The following ATP2A3 variants were observed in gnomAD, a reference collection of about 807,000 sequenced individuals.
The protein encoded by ATP2A3 is sarcoplasmic/endoplasmic reticulum calcium ATPase 3.
Under a neutral mutation model 106.8 loss-of-function variants are expected in ATP2A3, and 61 were observed. The observed-to-expected ratio is 0.57, with a 90% confidence interval of 0.46 to 0.71. ATP2A3 has a LOEUF of 0.71. Ranked by LOEUF, ATP2A3 falls within the 30% of genes least tolerant of loss-of-function variation. The pLI, the probability that ATP2A3 is intolerant of heterozygous loss-of-function variation, is 0.00. For missense variants in ATP2A3, 1,201 were observed against 1,423.5 expected (o/e 0.84, Z 2.52); for synonymous variants, 611 against 609.3 (o/e 1.00, Z -0.04).
Position 3,951,562 on chromosome 17 carries a change from C to CG in ATP2A3, c.324+18_324+19insC. 6.7e-7 allele frequency: 1 copy of CG among 1,486,974 alleles called. No individual in the cohort carries two copies. The highest frequency in any genetic ancestry group is 9.2e-7 in the Non-Finnish European group (1 of 1,088,796). 92.1% of individuals were successfully genotyped at this position (1,486,974 alleles called of 1,614,324 possible). On this transcript the variant is annotated intron_variant, in intron 4 of 20. Transcript: ENST00000397041. ...TGGGAGACCGCCCCCCGCCCGGTCC[C>CG]ACCCCCAGTGCCTCCCACCTGCCAC...
rs1175208864 is a variant in ATP2A3, at chr17:3,936,236, GA to G, written c.2524+30del. 1.2e-6 allele frequency: 2 copies of G among 1,612,602 alleles called. No individual in the cohort carries two copies. Among genetic ancestry groups the G allele is most frequent in the Non-Finnish European group, 1.7e-6 (2 of 1,179,188 alleles). ...GATACAAGGCTCTTAGGAAGCTTAG[GA>G]ATTCCACGGAGGGCTCAGGCCCCAC... On this transcript the variant is annotated intron_variant, in intron 16 of 20. Transcript: ENST00000397041. This position sits in a 1 kb window ranked among gnomAD's most constrained non-coding sequence, Gnocchi z 5.4.
Position 3,944,814 on chromosome 17 carries a change from GCCGGGGCGGTCACCA to G in ATP2A3, c.1185-23_1185-9del. Reference sequence around the variant, plus strand: ...GGCTGATCCCCCTGCCGCCTGCGGAGCCGGGGCGGTCACCAGGAGGACCTCGGCTCCGCCCCCGAG... The same window carrying G: ...GGCTGATCCCCCTGCCGCCTGCGGAGGGAGGACCTCGGCTCCGCCCCCGAG... On this transcript the variant is annotated splice_polypyrimidine_tract_variant and intron_variant, in intron 9 of 20. Transcript: ENST00000397041. 6.2e-7 allele frequency: 1 copy of G among 1,605,102 alleles called. No homozygotes were observed. Among genetic ancestry groups the G allele is most frequent in the East Asian group, 2.2e-5 (1 of 44,636 alleles).
Position 3,926,130 on chromosome 17 carries a change from G to A in ATP2A3, c.2981-689C>T, listed in dbSNP as rs12952223. Among the ~76,000 whole-genome samples, 22,837 of 152,120 alleles carry A rather than the reference G, an allele frequency of 0.15. 1,940 individuals carry two copies. The highest frequency in any genetic ancestry group is 0.23 in the African/African-American group (9,422 of 41,470). On this transcript the variant is annotated intron_variant, in intron 20 of 20. Coordinates refer to ENST00000397041, the MANE Select transcript of ATP2A3 (RefSeq NM_005173.4). The surrounding 1 kb of genome is among the most constrained non-coding windows in gnomAD (Gnocchi z 4.6). ...GAGAGGACCGCCCCCAGCCCCCAGG[G>A]CTGACCCAGGATCCAGAATTCTCCC...
Position 3,940,031 on chromosome 17 carries a change from C to CTT in ATP2A3, c.2100+938_2100+939dup, listed in dbSNP as rs1174008086. Among the ~76,000 whole-genome samples, 30 of 96,488 alleles carry CTT rather than the reference C, an allele frequency of 3.1e-4. 1 individual carries two copies. The highest frequency in any genetic ancestry group is 5.2e-4 in the African/African-American group (11 of 21,132). The allele number at this position is 96,488 out of a possible 152,430, so 63.3% of individuals were successfully genotyped here. ...ATGGGTTGATGGTAATGTGTCATAT[C>CTT]TTTTTTTTTTTGTTTTTTGTTTTTT... On this transcript the variant is annotated intron_variant, in intron 14 of 20. Transcript: ENST00000397041.
rs867945354 is a variant in ATP2A3, at chr17:3,933,564, T to G, written c.2610+1628A>C. ...CATCCTGGCCAACATGGTGAAACCC[T>G]GTCTCTACTAAAATACAAAAAATTA... On this transcript the variant is annotated intron_variant, in intron 17 of 20. Coordinates refer to ENST00000397041, the MANE Select transcript of ATP2A3 (RefSeq NM_005173.4). Among the ~76,000 whole-genome samples the G allele has an allele frequency of 4.9e-4, 74 of 151,182 alleles. 1 individual carries two copies. The highest frequency in any genetic ancestry group is 3.4e-3 in the Middle Eastern group (1 of 294).
chr17:3,938,826 C>T (rs1293634922), intron 14 of ATP2A3, among the ~76,000 whole-genome samples: 4 of 152,102 alleles, frequency 2.6e-5, no homozygotes, highest in African/African-American at 4.8e-5. Flanking sequence ...CGTGAGCCAC[C>T]GTGCCCGGCC....
In ATP2A3 at chr17:3,936,723, C is replaced by T. The variant is rs1597595435; in HGVS notation, c.2322-254G>A. ...CTTTAGGCCTAGCAGAGGCCAAGTA[C>T]ACACACACACACACACACACACACA... On this transcript the variant is annotated intron_variant, in intron 15 of 20. Transcript: ENST00000397041. The surrounding 1 kb of genome is among the most constrained non-coding windows in gnomAD (Gnocchi z 5.4). 1.8e-5 allele frequency: 1 copy of T among 56,600 alleles called. No individual in the cohort carries two copies. Among genetic ancestry groups the T allele is most frequent in the Non-Finnish European group, 3.7e-5 (1 of 27,248 alleles). 3.5% of individuals were successfully genotyped at this position (56,600 alleles called of 1,614,324 possible).
chr17:3,935,248 C>T lies in ATP2A3; in HGVS notation c.2554G>A (p.Ala852Thr), dbSNP rs754507656. 5 of 1,613,514 alleles carry T rather than the reference C, an allele frequency of 3.1e-6. No homozygotes were observed. Among genetic ancestry groups the T allele is most frequent in the Non-Finnish European group, 2.5e-6 (3 of 1,180,034 alleles). The stretch of plus-strand genomic sequence containing the variant: ...GCGTCATACACAAACCACCAGGTGG[C>T]GGCAGCCACTGTGGCCAGGCCTACG... ...VYVGLATVAA[A>T]TWWFVYDAEG... Residue 852 changes from alanine (A) to threonine (T), a missense_variant, in exon 17 of 21, where the codon GCC (alanine) becomes ACC (threonine). This residue lies in a region of ATP2A3 where 935 missense variants were observed against 1,176.7 expected (regional missense o/e 0.79). Transcript: ENST00000397041.
chr17:3,947,938 G>A lies in ATP2A3; in HGVS notation c.631-83C>T. 1 of 1,359,120 alleles carries A rather than the reference G, an allele frequency of 7.4e-7. No homozygotes were observed. The highest frequency in any genetic ancestry group is 1.0e-6 in the Non-Finnish European group (1 of 976,336). 84.2% of individuals were successfully genotyped at this position (1,359,120 alleles called of 1,614,324 possible). ...CCCTGACTCCTTCAGGCCGGAATAA[G>A]GCACTTATCCTTCTACCCGGCTTTC... On this transcript the variant is annotated intron_variant, in intron 7 of 20. Transcript: ENST00000397041. The surrounding 1 kb of genome is among the most constrained non-coding windows in gnomAD (Gnocchi z 7.7).
chr17:3,936,431 A>G lies in ATP2A3; in HGVS notation c.2360T>C (p.Leu787Pro). 6.2e-7 allele frequency: 1 copy of G among 1,614,152 alleles called. No homozygotes were observed. The highest frequency in any genetic ancestry group is 8.5e-7 in the Non-Finnish European group (1 of 1,180,038). ...LTAILGLPEA[L>P]IPVQLLWVNL... ...CACCCAGAGCAGCTGCACAGGGATCAGGGCTTCGGGCAGGCCCAGAATTGC... is the reference window on the plus strand; with the variant it reads ...CACCCAGAGCAGCTGCACAGGGATCGGGGCTTCGGGCAGGCCCAGAATTGC... Residue 787 changes from leucine to proline, a missense_variant, in exon 16 of 21, where the codon CTG (leucine) becomes CCG (proline). Leu to Pro is a moderately conservative substitution (Grantham distance 98). Coordinates refer to ENST00000397041, the MANE Select transcript of ATP2A3 (RefSeq NM_005173.4). The surrounding 1 kb of genome is among the most constrained non-coding windows in gnomAD (Gnocchi z 5.4).
At chr17:3,960,540 CAG>C (rs1256324735) in intron 1 of ATP2A3, among the ~76,000 whole-genome samples, 1 of 152,256 alleles carries the variant, frequency 6.6e-6, no homozygotes, top group African/African-American at 2.4e-5. Flanking sequence ...ACTTTAGCTA[CAG>C]AAAGGACATG....
chr17:3,959,642 T>C (rs1279870511), intron 1 of ATP2A3, among the ~76,000 whole-genome samples: 2 of 152,264 alleles, frequency 1.3e-5, no homozygotes, highest in Non-Finnish European at 2.9e-5. Flanking sequence ...CACCCAGGTC[T>C]TCCTCAAAGG....
Position 3,925,582 on chromosome 17 carries a change from C to T in ATP2A3, c.2981-141G>A, listed in dbSNP as rs1337193775. The T allele has an allele frequency of 1.5e-5, 16 of 1,071,194 alleles. No homozygotes were observed. The Admixed American group carries it at 3.2e-4, about 22-fold the overall frequency. The allele number at this position is 1,071,194 out of a possible 1,614,324, so 66.4% of individuals were successfully genotyped here. A position where few individuals can be genotyped will look rare whatever the true frequency, so the allele number is the denominator to read the frequency against. On this transcript the variant is annotated intron_variant, in intron 20 of 20. Coordinates refer to ENST00000397041, the MANE Select transcript of ATP2A3 (RefSeq NM_005173.4). The surrounding 1 kb of genome is among the most constrained non-coding windows in gnomAD (Gnocchi z 4.2). ...GGCCTCCCTTAGTCCAGACCTCAGT[C>T]TACCCCAGCCCCACCGGACCCCCCA...
At chr17:3,927,861 C>T in intron 20 of ATP2A3, 1 of 1,556,358 alleles carries the variant, frequency 6.4e-7, no homozygotes, top group Non-Finnish European at 8.6e-7. Flanking sequence ...AGGTGGCCCC[C>T]AACGACCCAG....
intron 1 of ATP2A3, among the ~76,000 whole-genome samples, chr17:3,961,052 T>C (rs561045060): frequency 6.6e-6 from 1 of 152,162 alleles, no homozygotes; most frequent in Non-Finnish European, 1.5e-5. Flanking sequence ...CAAGAATGAC[T>C]GTCAAGGTCA....
At position 3,936,056 on chromosome 17, in the gene ATP2A3, C is replaced by G. The variant is rs1467314252; in HGVS notation, c.2524+211G>C. Among the ~76,000 whole-genome samples the G allele has an allele frequency of 6.6e-6, 1 of 152,198 alleles. No individual in the cohort carries two copies. Among genetic ancestry groups the G allele is most frequent in the African/African-American group, 2.4e-5 (1 of 41,440 alleles). On this transcript the variant is annotated intron_variant, in intron 16 of 20. Coordinates refer to ENST00000397041, the MANE Select transcript of ATP2A3 (RefSeq NM_005173.4). The surrounding 1 kb of genome is among the most constrained non-coding windows in gnomAD (Gnocchi z 5.4). ...GCAGCCATTCTGCCACCATGAGGGA[C>G]GTGGGCCTGAGAATGAAGCTGAGGC...
At position 3,964,355 on chromosome 17, in the gene ATP2A3, A is replaced by C; in HGVS notation, c.-64T>G. Reference sequence around the variant, plus strand: ...GGCCGCCTCTCCGCCGGGGGGCTACAAAGCGGGGCGCGGGGGACTCGGGCC... The same window carrying C: ...GGCCGCCTCTCCGCCGGGGGGCTACCAAGCGGGGCGCGGGGGACTCGGGCC... On this transcript the variant is annotated 5_prime_UTR_variant, in exon 1 of 21. Transcript: ENST00000397041. 2.1e-6 allele frequency: 2 copies of C among 965,388 alleles called. No homozygotes were observed. Among genetic ancestry groups the C allele is most frequent in the South Asian group, 4.1e-5 (1 of 24,586 alleles). The allele number at this position is 965,388 out of a possible 1,614,324, so 59.8% of individuals were successfully genotyped here.
In ATP2A3 at chr17:3,931,417, A is replaced by G. The variant is rs529746429; in HGVS notation, c.2611-983T>C. Among the ~76,000 whole-genome samples, 18 of 152,200 alleles carry G rather than the reference A, an allele frequency of 1.2e-4. 1 individual carries two copies. In the South Asian group the frequency reaches 3.7e-3, roughly 32 times the overall value. On this transcript the variant is annotated intron_variant, in intron 17 of 20. Coordinates refer to ENST00000397041, the MANE Select transcript of ATP2A3 (RefSeq NM_005173.4). ...GGGGGAACTTGTCTTGTTCTCTTCCATATTATAGGGATGAGGGTGAATGTT... is the reference window on the plus strand; with the variant it reads ...GGGGGAACTTGTCTTGTTCTCTTCCGTATTATAGGGATGAGGGTGAATGTT...
chr17:3,951,050 G>T (rs2054390932), intron 5 of ATP2A3, among the ~76,000 whole-genome samples: 1 of 152,018 alleles, frequency 6.6e-6, no homozygotes. Context: ...CATAATAAAA[G>T]GAGGAGGCCC....
Sources: allele counts gnomAD v4.1 joint callset (sites outside exome capture counted in the v4.1 genomes callset), GRCh38; gene constraint gnomAD v4.1.1; regional missense constraint gnomAD v4.1.1; non-coding constraint Gnocchi (gnomAD v3.1); transcripts MANE v1.5; gene names NCBI Gene and HGNC (gene_info 2026-07-23, HGNC 2026-07-21).